The following GRM7 variants were observed in gnomAD, a reference collection of about 807,000 sequenced individuals.
GRM7 encodes the protein glutamate metabotropic receptor 7.
Under a neutral mutation model 84.5 loss-of-function variants are expected in GRM7, and 35 were observed. The observed-to-expected ratio is 0.41, with a 90% CI of 0.32 to 0.55. The LOEUF is 0.55. Ranked by LOEUF, GRM7 falls within the 20% of genes least tolerant of loss-of-function variation. GRM7 has a pLI of 0.19. For synonymous variants in GRM7, 487 were observed against 455.1 expected, an observed-to-expected ratio of 1.07 and a Z score of -0.89; for missense variants, 1,003 against 1,194.6, an observed-to-expected ratio of 0.84 and a Z score of 2.36.
intron 7 of GRM7, among the ~76,000 whole-genome samples, chr3:7,478,447 G>T (rs1023089676): frequency 6.6e-6 from 1 of 152,110 alleles, no homozygotes; most frequent in African/African-American, 2.4e-5. Flanking sequence ...GGAACATTTT[G>T]CAAAGGAAGG....
intron 4 of GRM7, among the ~76,000 whole-genome samples, chr3:7,345,608 T>A (rs1046939741): frequency 3.9e-5 from 6 of 152,116 alleles, no homozygotes; most frequent in African/African-American, 1.4e-4. Context: ...TCTGACTTGC[T>A]GATGCCCGGC....
intron 2 of GRM7, among the ~76,000 whole-genome samples, chr3:7,234,554 T>A (rs564533503): frequency 1.6e-4 from 25 of 152,324 alleles, no homozygotes; most frequent in African/African-American, 6.0e-4. Flanking sequence ...TCAACAAATA[T>A]TTATTGATAG....
At chr3:7,622,341 CA>C (rs1270253930) in intron 8 of GRM7, among the ~76,000 whole-genome samples, 6 of 152,096 alleles carry the variant, frequency 3.9e-5, no homozygotes, top group African/African-American at 1.2e-4. Flanking sequence ...CAAAATGCAA[CA>C]GACTGCCTTG....
At chr3:7,705,801 C>T (rs1701367398) in intron 9 of GRM7, among the ~76,000 whole-genome samples, 1 of 152,140 alleles carries the variant, frequency 6.6e-6, no homozygotes, top group Non-Finnish European at 1.5e-5. Context: ...CAGACCAGTT[C>T]AGGAATGTTT....
chr3:7,012,203 G>A (rs1443476993), intron 1 of GRM7, among the ~76,000 whole-genome samples: 1 of 152,138 alleles, frequency 6.6e-6, no homozygotes, highest in Non-Finnish European at 1.5e-5. Context: ...CAAGTAAAGA[G>A]GATAGGAAGG....
intron 1 of GRM7, among the ~76,000 whole-genome samples, chr3:6,903,260 C>G (rs1005569855): frequency 6.7e-6 from 1 of 149,726 alleles, no homozygotes; most frequent in Admixed American, 6.6e-5. Flanking sequence ...TTTTTTCTCT[C>G]CTATGTAGCA....
At chr3:7,152,348 A>G (rs1694311885) in intron 2 of GRM7, among the ~76,000 whole-genome samples, 2 of 152,150 alleles carry the variant, frequency 1.3e-5, no homozygotes, top group Admixed American at 6.6e-5. Flanking sequence ...AGCTTTTTAG[A>G]TAATCTTTCT....
chr3:7,286,327 C>T (rs565268136), intron 2 of GRM7, among the ~76,000 whole-genome samples: 2 of 152,224 alleles, frequency 1.3e-5, no homozygotes, highest in African/African-American at 2.4e-5. Flanking sequence ...ACCTGAGCTT[C>T]ATGTAATTTC....
At chr3:7,186,477 G>T (rs1329708254) in intron 2 of GRM7, among the ~76,000 whole-genome samples, 1 of 152,168 alleles carries the variant, frequency 6.6e-6, no homozygotes, top group Non-Finnish European at 1.5e-5. Context: ...AAATTTGTTT[G>T]TACTGATTAC....
At position 7,471,208 on chromosome 3, in the gene GRM7, T is replaced by TAA. The variant is rs34317607; in HGVS notation, c.1515+9496_1515+9497dup. Among the ~76,000 whole-genome samples the TAA allele has an allele frequency of 1.6e-3, 233 of 148,714 alleles. No individual in the cohort carries two copies. In the East Asian group the frequency reaches 0.023, roughly 15 times the overall value. On this transcript the variant is annotated intron_variant, in intron 7 of 9. Transcript: ENST00000357716. ...TTGTATTAGTTTTTTATTGCTGCTG[T>TAA]AAAAAAAAAAATTACCGCTAATTTA...
chr3:6,947,427 T>G (rs1443039498), intron 1 of GRM7, among the ~76,000 whole-genome samples: 1 of 152,144 alleles, frequency 6.6e-6, no homozygotes, highest in African/African-American at 2.4e-5. Context: ...TGGATAAGCT[T>G]TTTGATGTGC....
intron 1 of GRM7, among the ~76,000 whole-genome samples, chr3:7,011,987 A>G (rs141521376): frequency 6.6e-6 from 1 of 152,244 alleles, no homozygotes; most frequent in East Asian, 1.9e-4. Context: ...AAATAAAATA[A>G]GCTTTAGAAT....
chr3:7,339,684 T>C (rs533339216), intron 4 of GRM7, among the ~76,000 whole-genome samples: 1 of 151,768 alleles, frequency 6.6e-6, no homozygotes, highest in African/African-American at 2.4e-5. Flanking sequence ...ATCCTGCTTC[T>C]TCATGGCAAG....
intron 7 of GRM7, among the ~76,000 whole-genome samples, chr3:7,550,567 CTCTCTCTCTCTGTGTGTG>C (rs775919017): frequency 8.3e-4 from 85 of 101,962 alleles, no homozygotes; most frequent in South Asian, 6.4e-3. Flanking sequence ...CTCTCTCTCT[CTCTCTCTCTCTGTGTGTG>C]TGTGTGTGTG....
intron 7 of GRM7, among the ~76,000 whole-genome samples, chr3:7,478,008 G>A (rs939619663): frequency 3.3e-5 from 5 of 152,104 alleles, no homozygotes; most frequent in Admixed American, 6.6e-5. Context: ...CTTTATCAAT[G>A]TGAGTGGATT....
At chr3:7,241,557 A>G (rs1036835495) in intron 2 of GRM7, among the ~76,000 whole-genome samples, 2 of 152,166 alleles carry the variant, frequency 1.3e-5, no homozygotes, top group Non-Finnish European at 2.9e-5. Context: ...TTTGTATTAC[A>G]TAAAATCAAT....
rs533620602 is a variant in GRM7 at position 6,876,525 on chromosome 3, CA to C, written c.519+14619del. The stretch of plus-strand genomic sequence containing the variant: ...CAGAGCTTTGAAGTGCCTATATACT[CA>C]TGTTAAAATATGATGATGGTAGAGC... On this transcript the variant is annotated intron_variant, in intron 1 of 9. Transcript: ENST00000357716. 2.8e-3 allele frequency among the ~76,000 whole-genome samples: 428 copies of C among 151,550 alleles called. 3 individuals carry two copies. Among genetic ancestry groups the C allele is most frequent in the Middle Eastern group, 0.028 (8 of 290 alleles).
rs189146761 is a variant in GRM7 at position 7,129,809 on chromosome 3, A to G, written c.520-16643A>G. Among the ~76,000 whole-genome samples, 15 of 152,346 alleles carry G rather than the reference A, an allele frequency of 9.8e-5. No homozygotes were observed. The East Asian group carries it at 2.7e-3, about 27-fold the overall frequency. The stretch of plus-strand genomic sequence containing the variant: ...TTTACCTGTCAACTTACTATGTGAG[A>G]AAGACAAAAACATATTTTCAAGCAA... On this transcript the variant is annotated intron_variant, in intron 1 of 9. Transcript: ENST00000357716.
chr3:6,880,660 C>T (rs201528649), intron 1 of GRM7, among the ~76,000 whole-genome samples: 2 of 117,088 alleles, frequency 1.7e-5, no homozygotes, highest in African/African-American at 6.2e-5. Flanking sequence ...CCATCCACTT[C>T]TCCTGTCTGA....
Sources: allele counts gnomAD v4.1 joint callset (sites outside exome capture counted in the v4.1 genomes callset), GRCh38; gene constraint gnomAD v4.1.1; transcripts MANE v1.5; gene names NCBI Gene and HGNC (gene_info 2026-07-23, HGNC 2026-07-21).